Variants in TMEM260 observed in about 807,000 individuals in gnomAD.
TMEM260 encodes protein O-mannosyl-transferase TMEM260.
A neutral mutation model predicts 88.9 loss-of-function variants in TMEM260; 82 were observed. That is an observed-to-expected ratio of 0.92 (90% CI 0.77 to 1.11). TMEM260 has a LOEUF of 1.11. Among genes scored for constraint, TMEM260 ranks in the 50% least tolerant of loss-of-function variants. The probability of loss-of-function intolerance (pLI) is 0.00; values close to 1 mark genes in which losing one functional copy is unlikely to be tolerated. For synonymous variants in TMEM260, 314 were observed against 309.3 expected (o/e 1.02, Z -0.16); for missense variants, 902 against 853.4 (o/e 1.06, Z -0.71).
At position 56,611,385 on chromosome 14, in the gene TMEM260, T is replaced by A. The variant is rs562880429; in HGVS notation, c.817-860T>A. Reference sequence around the variant, plus strand: ...ACTTTGAGTGAAGAGAAATGATACATTGTACATTTAAAACCTGTGTCTTTT... The same window carrying A: ...ACTTTGAGTGAAGAGAAATGATACAATGTACATTTAAAACCTGTGTCTTTT... On this transcript the variant is annotated intron_variant, in intron 6 of 15. Transcript: ENST00000261556. Among the ~76,000 whole-genome samples, 39 of 152,298 alleles carry A rather than the reference T, an allele frequency of 2.6e-4. 1 individual carries two copies. The highest frequency in any genetic ancestry group is 8.2e-4 in the African/African-American group (34 of 41,570).
chr14:56,584,403 A>G (rs1439966302), intron 1 of TMEM260, among the ~76,000 whole-genome samples: 1 of 152,192 alleles, frequency 6.6e-6, no homozygotes, highest in Admixed American at 6.5e-5. Context: ...ACTAATGGTG[A>G]GGAACTATAA....
the TMEM260 span, among the ~76,000 whole-genome samples, chr14:56,660,422 T>G: frequency 2.0e-5 from 3 of 152,336 alleles, no homozygotes; most frequent in Admixed American, 2.0e-4. Flanking sequence ...ATTTCTTACT[T>G]TTTTATCCCA....
At chr14:56,646,790 A>T (rs1197943160) in intron 15 of TMEM260, among the ~76,000 whole-genome samples, 2 of 151,460 alleles carry the variant, frequency 1.3e-5, no homozygotes, top group Non-Finnish European at 2.9e-5. Flanking sequence ...TCTGTCAAAA[A>T]TGTGGGACAA....
intron 3 of TMEM260, chr14:56,593,148 T>C (rs1230087634): frequency 6.6e-6 from 1 of 152,244 alleles, no homozygotes; most frequent in Non-Finnish European, 1.5e-5. Context: ...AAAACTACTA[T>C]GCAATCAGTA....
At position 56,584,887 on chromosome 14, in the gene TMEM260, GT is replaced by G. The variant is rs1465685989; in HGVS notation, c.161-110del. The G allele has an allele frequency of 5.1e-6, 4 of 791,576 alleles. No homozygotes were observed. In the East Asian group the frequency reaches 7.5e-5, roughly 15 times the overall value. The allele number at this position is 791,576 out of a possible 1,614,324, so 49.0% of individuals were successfully genotyped here. On this transcript the variant is annotated intron_variant, in intron 1 of 15. Transcript: ENST00000261556. ...GCTGTTAAATCTCTACAGATTTACA[GT>G]TTTATCCAGTCAAATTAATGCAAAA...
Position 56,621,599 on chromosome 14 carries a change from A to G in TMEM260, c.1295A>G (p.His432Arg), listed in dbSNP as rs141065385. The change falls in exon 11 of 16, where the codon CAT becomes CGT. Residue 432 changes from histidine to arginine, a missense_variant. By Grantham distance (29) the His-to-Arg change is conservative (BLOSUM62 0). Transcript: ENST00000261556. ...AAGAACCTTCTCACCTCTATGCCTC[A>G]TGATGCAATTATCTTACTCAGAGGA... is the stretch of plus-strand genomic sequence containing the variant. ...FAKNLLTSMP[H>R]DAIILLRGDL... The G allele has an allele frequency of 2.5e-5, 40 of 1,613,748 alleles. No individual in the cohort carries two copies. The African/African-American group carries it at 4.8e-4, about 19-fold the overall frequency.
chr14:56,644,489 A>G (rs1000971785), intron 15 of TMEM260, among the ~76,000 whole-genome samples: 2 of 152,302 alleles, frequency 1.3e-5, no homozygotes, highest in Admixed American at 6.5e-5. Context: ...CTTACACCTT[A>G]TACAAAAATT....
intron 11 of TMEM260, 59 bp downstream of exon 11, chr14:56,621,761 A>G (rs1887937394): frequency 2.1e-6 from 3 of 1,453,314 alleles, no homozygotes; most frequent in Non-Finnish European, 2.8e-6. Flanking sequence ...TATGTTTTGG[A>G]AAAAACATCT....
chr14:56,636,380 G>T, intron 14 of TMEM260, 128 bp from the exon 15 acceptor site: 2 of 709,440 alleles, frequency 2.8e-6, no homozygotes, highest in South Asian at 3.7e-5. Context: ...GAATATGAGA[G>T]AATTGAAAAT....
downstream of TMEM260, among the ~76,000 whole-genome samples, chr14:56,652,398 T>C (rs1490437133): frequency 6.6e-6 from 1 of 150,436 alleles, no homozygotes; most frequent in Admixed American, 6.7e-5. Flanking sequence ...CTTGAGAGGC[T>C]GAGGCAGGAG....
At chr14:56,584,937 T>G in intron 1 of TMEM260, 64 bp from the exon 2 acceptor site, 4 of 1,437,932 alleles carry the variant, frequency 2.8e-6, no homozygotes, top group Non-Finnish European at 3.9e-6. Context: ...ATTTGGATTT[T>G]GAAAACTTTG....
At chr14:56,630,026 G>C (rs1403115590) in intron 12 of TMEM260, among the ~76,000 whole-genome samples, 1 of 147,112 alleles carries the variant, frequency 6.8e-6, no homozygotes, top group Non-Finnish European at 1.5e-5. Context: ...AGGCAACAGA[G>C]CAAAACCCTA....
At chr14:56,636,643 A>G in intron 15 of TMEM260, 45 bp downstream of exon 15, 1 of 1,526,160 alleles carries the variant, frequency 6.6e-7, no homozygotes, top group Non-Finnish European at 9.1e-7. Flanking sequence ...TTTGGTGGGA[A>G]GGTGATGGTG....
At position 56,593,934 on chromosome 14, in the gene TMEM260, G is replaced by T. The variant is rs531655726; in HGVS notation, c.344+8022G>T. Among the ~76,000 whole-genome samples the T allele has an allele frequency of 2.4e-3, 364 of 151,548 alleles. 1 individual carries two copies. Among genetic ancestry groups the T allele is most frequent in the Non-Finnish European group, 2.4e-3 (162 of 67,874 alleles). On this transcript the variant is annotated intron_variant, in intron 3 of 15. Coordinates refer to ENST00000261556, the MANE Select transcript of TMEM260 (RefSeq NM_017799.4). ...GATCTCCTGACCTCATGATCCACCC[G>T]CCTCGGCCTCCCAAAGTGCTGGTAT... is the stretch of plus-strand genomic sequence containing the variant.
intron 3 of TMEM260, among the ~76,000 whole-genome samples, chr14:56,594,588 C>T (rs949665850): frequency 2.6e-5 from 4 of 152,086 alleles, no homozygotes; most frequent in East Asian, 1.9e-4. Flanking sequence ...ACTTACTCTA[C>T]GGGTAGATGA....
Position 56,605,586 on chromosome 14 carries a change from C to G in TMEM260, c.539C>G (p.Ala180Gly), listed in dbSNP as rs1459062972. 2 of 1,516,772 alleles carry G rather than the reference C, an allele frequency of 1.3e-6. No homozygotes were observed. Among genetic ancestry groups the G allele is most frequent in the East Asian group, 2.4e-5 (1 of 42,296 alleles). The allele number at this position is 1,516,772 out of a possible 1,614,324, so 94.0% of individuals were successfully genotyped here. The change falls in exon 5 of 16, where the codon GCT becomes GGT. Residue 180 changes from alanine to glycine, a missense_variant. Transcript: ENST00000261556. ...KERSKVAKIG[A>G]FCCGLSLCNQ... is the part of the protein sequence containing the mutation. ...TATTTTCAGGTAGCTAAAATTGGTG[C>G]TTTCTGCTGTGGCCTTAGTTTATGT...
chr14:56,633,794 T>A (rs1306520313), intron 13 of TMEM260, among the ~76,000 whole-genome samples: 1 of 151,808 alleles, frequency 6.6e-6, no homozygotes, highest in Non-Finnish European at 1.5e-5. Flanking sequence ...TTACTTGATT[T>A]CACACACACA....
chr14:56,621,521 T>C lies in TMEM260; in HGVS notation c.1227-10T>C. 1 of 1,592,714 alleles carries C rather than the reference T, an allele frequency of 6.3e-7. No individual in the cohort carries two copies. Among genetic ancestry groups the C allele is most frequent in the Non-Finnish European group, 8.5e-7 (1 of 1,170,216 alleles). On this transcript the variant is annotated splice_polypyrimidine_tract_variant and intron_variant, in intron 10 of 15. Transcript: ENST00000261556. ...TTGCTATTTTAATTTTTTTGGATCCTTTTATTTAGTGTTTGTGACCAAAGG... is the reference window on the plus strand; with the variant it reads ...TTGCTATTTTAATTTTTTTGGATCCCTTTATTTAGTGTTTGTGACCAAAGG...
intron 7 of TMEM260, 80 bp from the exon 8 acceptor site, chr14:56,615,864 T>G: frequency 1.0e-6 from 1 of 1,000,856 alleles, no homozygotes. Context: ...ATATAATCAA[T>G]GGTATCTTAC....
Sources: gnomAD v4.1 joint callset for allele counts (sites outside exome capture counted in the v4.1 genomes callset) on GRCh38, gnomAD v4.1.1 for gene constraint, MANE v1.5 for transcripts, NCBI Gene and HGNC (gene_info 2026-07-23, HGNC 2026-07-21) for gene names.